CPE: variants seen among roughly 807,000 people sequenced by gnomAD.
The protein encoded by CPE is carboxypeptidase E.
A neutral mutation model predicts 53.5 loss-of-function variants in CPE; 17 were observed. The observed-to-expected ratio is 0.32, with a 90% CI of 0.22 to 0.48. The LOEUF (loss-of-function observed/expected upper bound fraction) is 0.48. Ranked by LOEUF, CPE falls within the 20% of genes least tolerant of loss-of-function variation. The probability of loss-of-function intolerance (pLI) is 0.99; values close to 1 mark genes in which losing one functional copy is unlikely to be tolerated. For synonymous variants in CPE, 226 were observed against 228.8 expected, an observed-to-expected ratio of 0.99 and a Z score of 0.11; for missense variants, 524 against 614.7, an observed-to-expected ratio of 0.85 and a Z score of 1.56.
At chr4:165,481,589 G>A (rs1276792365) in intron 3 of CPE, among the ~76,000 whole-genome samples, 1 of 151,894 alleles carries the variant, frequency 6.6e-6, no homozygotes, top group Non-Finnish European at 1.5e-5. Context: ...CCTTTGTTTT[G>A]CTTCCAAGAT....
intron 1 of CPE, among the ~76,000 whole-genome samples, chr4:165,440,823 C>T (rs543650397): frequency 6.6e-5 from 10 of 152,222 alleles, no homozygotes; most frequent in African/African-American, 1.7e-4. Context: ...AAACTGCCTC[C>T]GAGACCTGGA....
intron 1 of CPE, among the ~76,000 whole-genome samples, chr4:165,407,768 C>A (rs1221608477): frequency 2.0e-5 from 3 of 151,998 alleles, no homozygotes; most frequent in African/African-American, 4.8e-5. Flanking sequence ...GTTGGCCAGG[C>A]TGGTCTTGAA....
intron 1 of CPE, among the ~76,000 whole-genome samples, chr4:165,448,372 T>A (rs1000401265): frequency 6.6e-5 from 10 of 152,182 alleles, no homozygotes; most frequent in African/African-American, 2.2e-4. Flanking sequence ...GCAAGAACAA[T>A]GTCTTCAGTT....
rs907183841 is a variant in CPE at position 165,415,243 on chromosome 4, C to T, written c.307+35715C>T. On this transcript the variant is annotated intron_variant, in intron 1 of 8. Coordinates refer to ENST00000402744, the MANE Select transcript of CPE (RefSeq NM_001873.4). ...TTTTTCTCTACATGGGGGCAGCAGA[C>T]GAGGTGAGTTTCTTCCTCTGTCATT... 6 of 167,096 alleles carry T rather than the reference C, an allele frequency of 3.6e-5. No individual in the cohort carries two copies. In the South Asian group the frequency reaches 8.3e-4, roughly 23 times the overall value. The allele number at this position is 167,096 out of a possible 1,614,324, so 10.4% of individuals were successfully genotyped here.
chr4:165,421,559 T>C (rs1262166130), intron 1 of CPE, among the ~76,000 whole-genome samples: 2 of 152,216 alleles, frequency 1.3e-5, no homozygotes, highest in Non-Finnish European at 2.9e-5. Flanking sequence ...CAGCCCTGCA[T>C]CCTTCTTGTT....
At chr4:165,471,921 A>G (rs1732214429) in intron 3 of CPE, among the ~76,000 whole-genome samples, 1 of 152,260 alleles carries the variant, frequency 6.6e-6, no homozygotes, top group Non-Finnish European at 1.5e-5. Context: ...TTGTTGCAAA[A>G]GAAAACAGAT....
intron 1 of CPE, among the ~76,000 whole-genome samples, chr4:165,412,322 T>A (rs931727343): frequency 2.8e-4 from 42 of 152,334 alleles, no homozygotes; most frequent in South Asian, 4.1e-4. Context: ...ATATCTTTTT[T>A]AAGTTATGCT....
At chr4:165,449,287 G>A (rs1031800139) in intron 1 of CPE, among the ~76,000 whole-genome samples, 26 of 152,184 alleles carry the variant, frequency 1.7e-4, no homozygotes, top group African/African-American at 5.8e-4. Context: ...AGATCAGGTC[G>A]AGGTTAATAA....
chr4:165,408,973 G>A (rs1403122976), intron 1 of CPE, among the ~76,000 whole-genome samples: 1 of 152,186 alleles, frequency 6.6e-6, no homozygotes, highest in Non-Finnish European at 1.5e-5. Flanking sequence ...GGAATGGATT[G>A]GTTTATGGAT....
chr4:165,456,604 T>C (rs1394096003), intron 1 of CPE, among the ~76,000 whole-genome samples: 1 of 152,010 alleles, frequency 6.6e-6, no homozygotes. Flanking sequence ...TCTTGCTCTG[T>C]CGCCCAGGCT....
intron 2 of CPE, 70 bp from the exon 3 acceptor site, chr4:165,467,618 G>C: frequency 7.0e-7 from 1 of 1,420,162 alleles, no homozygotes; most frequent in Non-Finnish European, 9.5e-7. Context: ...GCATTGATAG[G>C]GACCTTAAAT....
At position 165,379,308 on chromosome 4, in the gene CPE, G is replaced by C. The variant is rs778940259; in HGVS notation, c.87G>C (p.Glu29Asp). 6.5e-7 allele frequency: 1 copy of C among 1,547,804 alleles called. No homozygotes were observed. The highest frequency in any genetic ancestry group is 1.2e-5 in the South Asian group (1 of 84,974). Residue 29 changes from glutamate to aspartate, a missense_variant, in exon 1 of 9, where the codon GAG (glutamate) becomes GAC (aspartate). Physicochemically the swap from Glu to Asp is conservative, Grantham distance 45. Transcript: ENST00000402744. This position sits in a 1 kb window ranked among gnomAD's most constrained non-coding sequence, Gnocchi z 6.0. ...GGCTCCTGGGCGCCGAAGCCCAGGA[G>C]CCCGGGGCGCCCGCGGCGGGCATGA... Reference protein sequence around the residue: ...CGWLLGAEAQEPGAPAAGMRR... With the variant: ...CGWLLGAEAQDPGAPAAGMRR...
chr4:165,481,307 G>T (rs989925046), intron 3 of CPE, among the ~76,000 whole-genome samples: 1 of 152,078 alleles, frequency 6.6e-6, no homozygotes, highest in Non-Finnish European at 1.5e-5. Flanking sequence ...CAATACGAAT[G>T]TTGAAGTGCA....
At chr4:165,465,367 T>C (rs1476604091) in intron 2 of CPE, among the ~76,000 whole-genome samples, 1 of 152,046 alleles carries the variant, frequency 6.6e-6, no homozygotes, top group Admixed American at 6.5e-5. Flanking sequence ...TAAATAAATA[T>C]AAAATTGATA....
intron 3 of CPE, among the ~76,000 whole-genome samples, chr4:165,474,809 A>G (rs1369619566): frequency 1.3e-5 from 2 of 152,182 alleles, no homozygotes; most frequent in East Asian, 3.9e-4. Flanking sequence ...TGTCTCCATG[A>G]CATTATGGTG....
chr4:165,480,916 G>T (rs551516541), intron 3 of CPE, among the ~76,000 whole-genome samples: 41 of 150,432 alleles, frequency 2.7e-4, no homozygotes, highest in African/African-American at 1.0e-3. Flanking sequence ...TGTTAGTAGT[G>T]GATATCTTTA....
At chr4:165,453,724 C>T (rs766240149) in intron 1 of CPE, among the ~76,000 whole-genome samples, 32 of 152,116 alleles carry the variant, frequency 2.1e-4, no homozygotes, top group Non-Finnish European at 4.1e-4. Context: ...GGAGATACTT[C>T]ATGAACGTCC....
chr4:165,448,729 C>T lies in CPE; in HGVS notation c.308-15661C>T, dbSNP rs73860764. On this transcript the variant is annotated intron_variant, in intron 1 of 8. Coordinates refer to ENST00000402744, the MANE Select transcript of CPE (RefSeq NM_001873.4). ...ACACCCATAGCAATGGGCTGCCTTA[C>T]TGTGTCATTTTTGATCGTCAGTCCA... Among the ~76,000 whole-genome samples the T allele has an allele frequency of 5.5e-3, 837 of 152,316 alleles. 8 individuals are homozygous for T. Among genetic ancestry groups the T allele is most frequent in the African/African-American group, 0.018 (742 of 41,562 alleles).
chr4:165,415,244 G>A (rs1002935594), intron 1 of CPE: 4 of 167,160 alleles, frequency 2.4e-5, no homozygotes, highest in East Asian at 3.9e-4. Flanking sequence ...GGCAGCAGAC[G>A]AGGTGAGTTT....
Sources: gnomAD v4.1 joint callset for allele counts (sites outside exome capture counted in the v4.1 genomes callset) on GRCh38, gnomAD v4.1.1 for gene constraint, Gnocchi (gnomAD v3.1) non-coding constraint, MANE v1.5 for transcripts, NCBI Gene and HGNC (gene_info 2026-07-23, HGNC 2026-07-21) for gene names.